PKHD1: variants seen among roughly 807,000 people sequenced by gnomAD.
The protein encoded by PKHD1 is PKHD1 ciliary IPT domain containing fibrocystin/polyductin.
PKHD1 carries 291 observed loss-of-function variants against 412.0 expected under a neutral mutation model. That is an observed-to-expected ratio of 0.71 (90% CI 0.64 to 0.78). PKHD1 has a LOEUF of 0.78. Ranked by LOEUF, PKHD1 falls within the 30% of genes least tolerant of loss-of-function variation. PKHD1 has a pLI of 0.00. For missense variants in PKHD1, 4,825 were observed against 4,950.7 expected (o/e 0.97, Z 0.76); for synonymous variants, 1,777 against 1,821.5 (o/e 0.98, Z 0.62).
At chr6:51,862,744 T>G (rs956995224) in intron 48 of PKHD1, among the ~76,000 whole-genome samples, 1 of 152,172 alleles carries the variant, frequency 6.6e-6, no homozygotes, top group African/African-American at 2.4e-5. Flanking sequence ...AACCTTTTAT[T>G]TTCCAGGAGA....
intron 52 of PKHD1, among the ~76,000 whole-genome samples, chr6:51,808,371 T>C (rs1383831869): frequency 6.6e-6 from 1 of 151,894 alleles, no homozygotes; most frequent in Non-Finnish European, 1.5e-5. Context: ...GAAGGGAAAA[T>C]TTTCAATGAG....
In PKHD1 at chr6:51,794,187, C is replaced by T. The variant is rs1332133894; in HGVS notation, c.8303-2814G>A. ...GAGTAGCTGGGACTACAGGTGTCCG[C>T]CACCGCGCCTTTTTTGACTTTTTAA... On this transcript the variant is annotated intron_variant, in intron 52 of 66. Transcript: ENST00000371117. 3.3e-5 allele frequency among the ~76,000 whole-genome samples: 5 copies of T among 152,062 alleles called. No homozygotes were observed. The East Asian group carries it at 5.8e-4, about 18-fold the overall frequency.
chr6:51,781,705 T>C (rs987613712), intron 53 of PKHD1, among the ~76,000 whole-genome samples: 2 of 152,008 alleles, frequency 1.3e-5, no homozygotes, highest in Admixed American at 6.6e-5. Flanking sequence ...GCAATATTAA[T>C]AATAGTAGTT....
chr6:52,017,672 C>T (rs773823952), intron 33 of PKHD1, 43 bp from the exon 34 acceptor site: 3 of 1,450,792 alleles, frequency 2.1e-6, no homozygotes, highest in African/African-American at 1.4e-5. Flanking sequence ...ACAGAGAGAA[C>T]CTAAGGCCTC....
rs140250357 is a variant in PKHD1 at position 51,929,588 on chromosome 6, T to C, written c.6121+4522A>G. Among the ~76,000 whole-genome samples the C allele has an allele frequency of 6.8e-4, 104 of 152,282 alleles. 2 individuals carry two copies. The East Asian group carries it at 0.018, about 26-fold the overall frequency. The stretch of plus-strand genomic sequence containing the variant: ...ACACATGTGCCTGTTCCACACACTT[T>C]ATACCATGCTTAAAGACAGCCTGAT... On this transcript the variant is annotated intron_variant, in intron 37 of 66. Coordinates refer to ENST00000371117, the MANE Select transcript of PKHD1 (RefSeq NM_138694.4).
rs1456073395 is a variant in PKHD1, at chr6:51,802,993, A to G, written c.8303-11620T>C. Among the ~76,000 whole-genome samples the G allele has an allele frequency of 2.6e-5, 4 of 151,310 alleles. No homozygotes were observed. In the South Asian group the frequency reaches 6.2e-4, roughly 24 times the overall value. On this transcript the variant is annotated intron_variant, in intron 52 of 66. Coordinates refer to ENST00000371117, the MANE Select transcript of PKHD1 (RefSeq NM_138694.4). ...TGTTAAATATACATATATTATATCA[A>G]TTATAATTGATGTTTAAGAGAGAGT...
chr6:51,707,000 T>C (rs980990270), intron 60 of PKHD1, among the ~76,000 whole-genome samples: 6 of 152,314 alleles, frequency 3.9e-5, no homozygotes, highest in African/African-American at 1.4e-4. Flanking sequence ...TCTTTCAAAT[T>C]TGATTATCTG....
intron 55 of PKHD1, among the ~76,000 whole-genome samples, chr6:51,771,652 C>A (rs1273916699): frequency 6.6e-6 from 1 of 151,610 alleles, no homozygotes; most frequent in Non-Finnish European, 1.5e-5. Context: ...GTTTTAATAA[C>A]CATAGTTACA....
At chr6:52,065,184 G>GAGAGAGAGAGAGAGAGAGAGAGAGAC (rs1554220742) in intron 12 of PKHD1, 134 bp from the exon 13 acceptor site, 17 of 119,446 alleles carry the variant, frequency 1.4e-4, no homozygotes, top group African/African-American at 6.5e-4. Flanking sequence ...GAGAGAGAGA[G>GAGAGAGAGAGAGAGAGAGAGAGAGAC]AGAGAGAGAG....
chr6:51,644,584 CAT>C (rs1769835114), intron 63 of PKHD1, among the ~76,000 whole-genome samples: 1 of 152,144 alleles, frequency 6.6e-6, no homozygotes, highest in Non-Finnish European at 1.5e-5. Context: ...TGAGCTGGCA[CAT>C]GAGTCATTTC....
At chr6:51,836,135 C>CA (rs1230929236) in intron 51 of PKHD1, among the ~76,000 whole-genome samples, 1 of 152,182 alleles carries the variant, frequency 6.6e-6, no homozygotes, top group Non-Finnish European at 1.5e-5. Flanking sequence ...CCTATGTGCA[C>CA]ATATGGTCCA....
At chr6:51,831,828 G>A (rs758599241) in intron 51 of PKHD1, among the ~76,000 whole-genome samples, 25 of 152,188 alleles carry the variant, frequency 1.6e-4, no homozygotes, top group South Asian at 4.1e-4. Context: ...GTATCTCATC[G>A]CATAATTGAA....
At chr6:52,084,621 T>A (rs1812492730) in intron 2 of PKHD1, among the ~76,000 whole-genome samples, 1 of 152,212 alleles carries the variant, frequency 6.6e-6, no homozygotes, top group African/African-American at 2.4e-5. Context: ...TTGAAGTATA[T>A]AGTCATAACA....
chr6:51,653,189 C>T (rs1053622884), intron 61 of PKHD1, among the ~76,000 whole-genome samples: 2 of 152,100 alleles, frequency 1.3e-5, no homozygotes, highest in East Asian at 1.9e-4. Flanking sequence ...TCAAGAATAA[C>T]CTTCTGTATA....
chr6:51,832,836 C>G (rs905964441), intron 51 of PKHD1, among the ~76,000 whole-genome samples: 5 of 152,072 alleles, frequency 3.3e-5, no homozygotes, highest in Non-Finnish European at 7.4e-5. Flanking sequence ...ATTAGAGACC[C>G]AGGATAACCT....
intron 60 of PKHD1, among the ~76,000 whole-genome samples, chr6:51,705,786 A>G (rs1322135113): frequency 6.6e-6 from 1 of 152,130 alleles, no homozygotes; most frequent in African/African-American, 2.4e-5. Flanking sequence ...GAAGTGATAA[A>G]GCAAAAGCCA....
chr6:52,011,193 A>G (rs1046085774), intron 34 of PKHD1, among the ~76,000 whole-genome samples: 3 of 152,212 alleles, frequency 2.0e-5, no homozygotes, highest in African/African-American at 7.2e-5. Flanking sequence ...GCAGTGTAGC[A>G]TTACAGAAAG....
intron 60 of PKHD1, among the ~76,000 whole-genome samples, chr6:51,734,784 TG>T (rs1160339930): frequency 5.3e-5 from 8 of 152,176 alleles, no homozygotes; most frequent in Non-Finnish European, 1.2e-4. Context: ...ACGAGTACTA[TG>T]TTGAATCCAC....
At chr6:51,747,538 C>T (rs1785362060) in intron 58 of PKHD1, among the ~76,000 whole-genome samples, 1 of 152,044 alleles carries the variant, frequency 6.6e-6, no homozygotes, top group Admixed American at 6.6e-5. Context: ...GATCCCATCT[C>T]ATTATATTCA....
Sources: allele counts gnomAD v4.1 joint callset (sites outside exome capture counted in the v4.1 genomes callset), GRCh38; gene constraint gnomAD v4.1.1; transcripts MANE v1.5; gene names NCBI Gene and HGNC (gene_info 2026-07-23, HGNC 2026-07-21).